RIMS2: variants seen among roughly 807,000 people sequenced by gnomAD.
The protein encoded by RIMS2 is regulating synaptic membrane exocytosis protein 2.
Under a neutral mutation model 174.4 loss-of-function variants are expected in RIMS2, and 59 were observed. The ratio of observed to expected loss-of-function variants is 0.34; its 90% CI spans 0.27 to 0.42. The LOEUF (loss-of-function observed/expected upper bound fraction) is 0.42. RIMS2 is among the 10% of genes least tolerant of loss of function. RIMS2 has a pLI of 1.00. For synonymous variants in RIMS2, 606 were observed against 572.5 expected (o/e 1.06, Z -0.84); for missense variants, 1,620 against 1,666.3 (o/e 0.97, Z 0.48).
At chr8:104,049,921 TTTC>T in intron 19 of RIMS2, among the ~76,000 whole-genome samples, 1 of 152,340 alleles carries the variant, frequency 6.6e-6, no homozygotes, top group Middle Eastern at 3.4e-3. Flanking sequence ...TTTAAATATG[TTTC>T]TAATGCCCAA....
At chr8:103,660,445 C>G (rs1434102980) in intron 1 of RIMS2, among the ~76,000 whole-genome samples, 2 of 152,196 alleles carry the variant, frequency 1.3e-5, no homozygotes, top group Non-Finnish European at 2.9e-5. Context: ...TGCCTCGAGG[C>G]TGAGAAGGCA....
chr8:104,158,818 G>A (rs1220912982), intron 19 of RIMS2, among the ~76,000 whole-genome samples: 5 of 151,814 alleles, frequency 3.3e-5, no homozygotes, highest in Admixed American at 1.3e-4. Flanking sequence ...TGGATAGATT[G>A]CAAAAATTTT....
Position 103,612,974 on chromosome 8 carries a change from T to C in RIMS2, c.177-84112T>C, listed in dbSNP as rs530497037. Among the ~76,000 whole-genome samples, 5 of 152,308 alleles carry C rather than the reference T, an allele frequency of 3.3e-5. No homozygotes were observed. The East Asian group carries it at 5.8e-4, about 18-fold the overall frequency. On this transcript the variant is annotated intron_variant, in intron 1 of 23. Transcript: ENST00000504942. ...GTGTTGATGCAAGCACTCTTGTGGC[T>C]ACGACCACTGATACTGCTTTGGGTC... is the stretch of plus-strand genomic sequence containing the variant.
At chr8:103,684,852 G>T (rs140774705) in intron 1 of RIMS2, among the ~76,000 whole-genome samples, 1,741 of 152,104 alleles carry the variant, frequency 0.011, 42 homozygotes, top group African/African-American at 0.04. Context: ...CTCCCAAAGT[G>T]CTGGGATTAC....
intron 4 of RIMS2, chr8:103,910,047 T>C (rs2075350400): frequency 1.3e-6 from 1 of 757,830 alleles, no homozygotes; most frequent in Non-Finnish European, 2.3e-6. Flanking sequence ...CCAGACAGGA[T>C]CACACAGTTT....
intron 19 of RIMS2, among the ~76,000 whole-genome samples, chr8:104,091,476 A>G (rs1177054009): frequency 6.6e-6 from 1 of 151,340 alleles, no homozygotes; most frequent in Admixed American, 6.6e-5. Context: ...AATTTCTTAA[A>G]ACTTTGATTT....
chr8:104,148,634 A>G, intron 19 of RIMS2: 1 of 1,598,218 alleles, frequency 6.3e-7, no homozygotes, highest in Non-Finnish European at 8.5e-7. Context: ...TGCAAAGCAG[A>G]CAAATGGGCA....
At chr8:103,842,707 A>G (rs1169265412) in intron 3 of RIMS2, among the ~76,000 whole-genome samples, 5 of 152,144 alleles carry the variant, frequency 3.3e-5, no homozygotes, top group African/African-American at 1.2e-4. Context: ...ATATTGTCCT[A>G]TTTGTAATTT....
intron 1 of RIMS2, among the ~76,000 whole-genome samples, chr8:103,598,765 C>A (rs2094571828): frequency 6.6e-6 from 1 of 152,156 alleles, no homozygotes; most frequent in Admixed American, 6.6e-5. Context: ...GTACAGAATT[C>A]TGAGGTTTCA....
chr8:103,526,860 T>G (rs1281495329), intron 1 of RIMS2, among the ~76,000 whole-genome samples: 2 of 152,124 alleles, frequency 1.3e-5, no homozygotes, highest in African/African-American at 4.8e-5. Context: ...AAATAATGGC[T>G]GAGAACTTTT....
intron 16 of RIMS2, among the ~76,000 whole-genome samples, chr8:103,986,736 G>C (rs149910492): frequency 1.3e-5 from 2 of 151,920 alleles, no homozygotes; most frequent in African/African-American, 4.8e-5. Context: ...AACCAGGCGT[G>C]GTGAAAGGCA....
chr8:103,624,437 C>T (rs550933137), intron 1 of RIMS2, among the ~76,000 whole-genome samples: 1 of 152,296 alleles, frequency 6.6e-6, no homozygotes, highest in African/African-American at 2.4e-5. Flanking sequence ...AGTTACACCA[C>T]TGATTTCCTA....
chr8:103,657,443 G>A (rs2096545103), intron 1 of RIMS2, among the ~76,000 whole-genome samples: 1 of 152,132 alleles, frequency 6.6e-6, no homozygotes, highest in Non-Finnish European at 1.5e-5. Context: ...TATATAATGA[G>A]TTCTAGTAAC....
intron 17 of RIMS2, among the ~76,000 whole-genome samples, chr8:103,992,750 A>T (rs893617071): frequency 1.2e-4 from 19 of 152,290 alleles, no homozygotes; most frequent in African/African-American, 4.6e-4. Context: ...TCTGCTTTGC[A>T]AAGTAGATAG....
At chr8:104,088,845 C>T (rs2097581442) in intron 19 of RIMS2, among the ~76,000 whole-genome samples, 1 of 151,892 alleles carries the variant, frequency 6.6e-6, no homozygotes, top group Admixed American at 6.6e-5. Context: ...ATCATTCTGA[C>T]ACTTCAATAA....
At chr8:103,880,682 G>A in intron 3 of RIMS2, 1 of 528,678 alleles carries the variant, frequency 1.9e-6, no homozygotes, top group Non-Finnish European at 3.5e-6. Flanking sequence ...TGCATTGGTT[G>A]AACAAAGGTA....
At chr8:103,801,175 C>T (rs977342841) in intron 3 of RIMS2, among the ~76,000 whole-genome samples, 4 of 151,918 alleles carry the variant, frequency 2.6e-5, no homozygotes, top group South Asian at 2.1e-4. Flanking sequence ...TTAATAGAGA[C>T]GGGGTTTCAC....
intron 1 of RIMS2, among the ~76,000 whole-genome samples, chr8:103,675,620 T>A (rs2096799032): frequency 6.6e-6 from 1 of 152,186 alleles, no homozygotes. Context: ...TTGAAACATG[T>A]AACAGAGATA....
intron 2 of RIMS2, among the ~76,000 whole-genome samples, chr8:103,738,870 C>G (rs1211169865): frequency 6.6e-6 from 1 of 151,702 alleles, no homozygotes; most frequent in Non-Finnish European, 1.5e-5. Flanking sequence ...ATTAAAAAGT[C>G]AGGAAACAAC....
Sources: allele counts gnomAD v4.1 joint callset (sites outside exome capture counted in the v4.1 genomes callset), GRCh38; gene constraint gnomAD v4.1.1; transcripts MANE v1.5; gene names NCBI Gene and HGNC (gene_info 2026-07-23, HGNC 2026-07-21).